Variants in ENTPD1 observed in about 807,000 individuals in gnomAD.
ENTPD1 encodes ATP diphosphohydrolase.
In ENTPD1, 33 loss-of-function variants were observed where a neutral mutation model predicts 57.0. That is an observed-to-expected ratio of 0.58 (90% CI 0.44 to 0.77). The LOEUF (loss-of-function observed/expected upper bound fraction) is 0.77. ENTPD1 is among the 30% of genes least tolerant of loss of function. ENTPD1 has a pLI of 0.00. For synonymous variants in ENTPD1, 202 were observed against 218.8 expected (o/e 0.92, Z 0.68); for missense variants, 501 against 603.4 (o/e 0.83, Z 1.78).
intron 1 of ENTPD1, among the ~76,000 whole-genome samples, chr10:95,727,077 A>G (rs201030699): frequency 3.0e-4 from 45 of 152,204 alleles, no homozygotes; most frequent in Middle Eastern, 3.4e-3. Flanking sequence ...TGAAATGCCA[A>G]TTTGTCCCGT....
At chr10:95,803,169 T>C (rs556446836) in intron 1 of ENTPD1, among the ~76,000 whole-genome samples, 6 of 152,350 alleles carry the variant, frequency 3.9e-5, no homozygotes, top group African/African-American at 1.4e-4. Context: ...TTTAACGATA[T>C]GGAATCTTCC....
At chr10:95,847,202 T>G (rs1264924031) in intron 6 of ENTPD1, among the ~76,000 whole-genome samples, 1 of 152,096 alleles carries the variant, frequency 6.6e-6, no homozygotes, top group African/African-American at 2.4e-5. Context: ...CTGGGCCCAG[T>G]TTTAACTACA....
chr10:95,772,025 C>G (rs2098117420), intron 1 of ENTPD1, among the ~76,000 whole-genome samples: 1 of 152,168 alleles, frequency 6.6e-6, no homozygotes, highest in African/African-American at 2.4e-5. Flanking sequence ...GTTATGTTTA[C>G]ACTATACTGT....
chr10:95,760,814 C>CTTTTTATTTTTTTTT (rs2098055767), intron 1 of ENTPD1, among the ~76,000 whole-genome samples: 2 of 62,956 alleles, frequency 3.2e-5, no homozygotes, highest in African/African-American at 6.7e-5. Flanking sequence ...AGAGTTTATT[C>CTTTTTATTTTTTTTT]TTTTTTTTTT....
At position 95,864,924 on chromosome 10, in the gene ENTPD1, T is replaced by C. The variant is rs549527350; in HGVS notation, c.1326+63T>C. ...GTTCGGTGGTAGTGACTGAAGCAGT[T>C]TGGGGCTTGAAAAAGGGGGGAGTCA... On this transcript the variant is annotated intron_variant, in intron 9 of 9. Coordinates refer to ENST00000371205, the MANE Select transcript of ENTPD1 (RefSeq NM_001776.6). The C allele has an allele frequency of 1.4e-4, 220 of 1,583,320 alleles. No homozygotes were observed. The East Asian group carries it at 4.4e-3, about 32-fold the overall frequency.
At chr10:95,711,745 G>A (rs2097965759), upstream of ENTPD1, 8 of 600,992 alleles carry the variant, frequency 1.3e-5, no homozygotes, top group South Asian at 1.5e-4. Context: ...ACTGTGCCCA[G>A]CCTCCCCTTC....
intron 1 of ENTPD1, among the ~76,000 whole-genome samples, chr10:95,735,061 G>GCT (rs2097993200): frequency 7.6e-6 from 1 of 131,464 alleles, no homozygotes; most frequent in African/African-American, 2.9e-5. Context: ...ACAGAGTCTT[G>GCT]CTCTGTCTTG....
At chr10:95,817,633 C>A (rs1004480427) in intron 1 of ENTPD1, among the ~76,000 whole-genome samples, 1 of 152,210 alleles carries the variant, frequency 6.6e-6, no homozygotes, top group African/African-American at 2.4e-5. Context: ...GTGTACAGTT[C>A]CAGATGCTGT....
chr10:95,871,791 G>A lies in ENTPD1; in HGVS notation c.*5408G>A, dbSNP rs1277495956. 1 of 985,354 alleles carries A rather than the reference G, an allele frequency of 1.0e-6. No individual in the cohort carries two copies. The highest frequency in any genetic ancestry group is 1.7e-5 in the African/African-American group (1 of 57,254). The allele number at this position is 985,354 out of a possible 1,614,324, so 61.0% of individuals were successfully genotyped here. A position where few individuals can be genotyped will look rare whatever the true frequency, so the allele number is the denominator to read the frequency against. Reference sequence around the variant, plus strand: ...GTTTTTATAACCCCTTTGCATGTATGTTGAATAGCAAAGTTCATCAGAGAA... The same window carrying A: ...GTTTTTATAACCCCTTTGCATGTATATTGAATAGCAAAGTTCATCAGAGAA... On this transcript the variant is annotated 3_prime_UTR_variant, in exon 10 of 10. Coordinates refer to ENST00000371205, the MANE Select transcript of ENTPD1 (RefSeq NM_001776.6).
At position 95,872,133 on chromosome 10, in the gene ENTPD1, T is replaced by C. The variant is rs912890295; in HGVS notation, c.*5750T>C. The C allele has an allele frequency of 5.1e-6, 5 of 985,364 alleles. No homozygotes were observed. In the African/African-American group the frequency reaches 8.7e-5, roughly 17 times the overall value. The allele number at this position is 985,364 out of a possible 1,614,324, so 61.0% of individuals were successfully genotyped here. On this transcript the variant is annotated 3_prime_UTR_variant, in exon 10 of 10. Transcript: ENST00000371205. ...TACTGTTATTGCTCCAGTAAAGAGC[T>C]GTAATATATTTTACCTGGACTGATA...
chr10:95,706,997 G>T (rs530695294), upstream of ENTPD1, among the ~76,000 whole-genome samples: 1 of 152,220 alleles, frequency 6.6e-6, no homozygotes, highest in Admixed American at 6.5e-5. Context: ...CAGGGACTGA[G>T]GGGGGTGCCT....
intron 1 of ENTPD1, among the ~76,000 whole-genome samples, chr10:95,774,993 C>T (rs999894924): frequency 6.6e-6 from 1 of 152,066 alleles, no homozygotes; most frequent in Non-Finnish European, 1.5e-5. Flanking sequence ...TGTTTGTGTC[C>T]TTTTTTATTT....
intron 1 of ENTPD1, among the ~76,000 whole-genome samples, chr10:95,776,841 C>CT (rs1246221256): frequency 2.0e-5 from 3 of 152,148 alleles, no homozygotes; most frequent in Non-Finnish European, 4.4e-5. Flanking sequence ...TCTTTTTACT[C>CT]TTTTTTCTCT....
the ENTPD1 span, among the ~76,000 whole-genome samples, chr10:95,700,962 T>G: frequency 6.6e-6 from 1 of 151,990 alleles, no homozygotes; most frequent in African/African-American, 2.4e-5. Context: ...CTGGCTAATG[T>G]TTTGTATTTT....
intron 2 of ENTPD1, among the ~76,000 whole-genome samples, chr10:95,837,982 A>ACCACACAC (rs2098414313): frequency 6.8e-6 from 1 of 146,554 alleles, no homozygotes; most frequent in East Asian, 2.0e-4. Context: ...ACACACACAC[A>ACCACACAC]CCACACACCC....
Position 95,848,605 on chromosome 10 carries a change from G to A in ENTPD1, c.1074+899G>A, listed in dbSNP as rs933646396. On this transcript the variant is annotated intron_variant, in intron 7 of 9. Transcript: ENST00000371205. Reference sequence around the variant, plus strand: ...CATGAAGCCAGCTTGCTTCCATGCCGCCATTTTGGAATCAGACATCCAAGC... The same window carrying A: ...CATGAAGCCAGCTTGCTTCCATGCCACCATTTTGGAATCAGACATCCAAGC... Among the ~76,000 whole-genome samples, 19 of 152,080 alleles carry A rather than the reference G, an allele frequency of 1.2e-4. 1 individual carries two copies. The highest frequency in any genetic ancestry group is 9.8e-4 in the Admixed American group (15 of 15,264).
At chr10:95,861,413 CTTAAG>C (rs1424598911) in intron 8 of ENTPD1, 2 of 152,156 alleles carry the variant, frequency 1.3e-5, no homozygotes, top group Non-Finnish European at 2.9e-5. Flanking sequence ...AGCAGCTGTA[CTTAAG>C]TTGACAGTTG....
chr10:95,805,837 G>T (rs559161167), intron 1 of ENTPD1, among the ~76,000 whole-genome samples: 15 of 152,314 alleles, frequency 9.8e-5, no homozygotes, highest in African/African-American at 2.6e-4. Context: ...CTTCTGGCTT[G>T]TAGAGTTTCT....
At position 95,869,091 on chromosome 10, in the gene ENTPD1, C is replaced by A; in HGVS notation, c.*2708C>A. ...ATTGGCCATTGGTTATCACTGATTA[C>A]CATTCTCCCCTGGATTTTCACCCAG... On this transcript the variant is annotated 3_prime_UTR_variant, in exon 10 of 10. Transcript: ENST00000371205. The A allele has an allele frequency of 2.0e-6, 2 of 985,234 alleles. No individual in the cohort carries two copies. Among genetic ancestry groups the A allele is most frequent in the Non-Finnish European group, 2.4e-6 (2 of 829,906 alleles). The allele number at this position is 985,234 out of a possible 1,614,324, so 61.0% of individuals were successfully genotyped here. A position where few individuals can be genotyped will look rare whatever the true frequency, so the allele number is the denominator to read the frequency against.
Sources: gnomAD v4.1 joint callset for allele counts (sites outside exome capture counted in the v4.1 genomes callset) on GRCh38, gnomAD v4.1.1 for gene constraint, MANE v1.5 for transcripts, NCBI Gene and HGNC (gene_info 2026-07-23, HGNC 2026-07-21) for gene names.